The following DEPDC1B variants were observed in gnomAD, a reference collection of about 807,000 sequenced individuals.
DEPDC1B encodes the protein DEP domain containing 1B, also known as DEP domain-containing protein 1B.
A neutral mutation model predicts 66.5 loss-of-function variants in DEPDC1B; 51 were observed. The ratio of observed to expected loss-of-function variants is 0.77; its 90% CI spans 0.61 to 0.97. The LOEUF (loss-of-function observed/expected upper bound fraction) is 0.97, where lower values mean the gene tolerates loss of function less well. Ranked by LOEUF, DEPDC1B falls within the 50% of genes least tolerant of loss-of-function variation. The pLI, the probability that DEPDC1B is intolerant of heterozygous loss-of-function variation, is 0.00. For missense variants in DEPDC1B, 552 were observed against 637.1 expected (o/e 0.87, Z 1.44); for synonymous variants, 226 against 223.6 (o/e 1.01, Z -0.10).
At chr5:60,676,072 C>T (rs892764969) in intron 2 of DEPDC1B, among the ~76,000 whole-genome samples, 8 of 151,922 alleles carry the variant, frequency 5.3e-5, no homozygotes, top group Non-Finnish European at 1.0e-4. Flanking sequence ...GGACTACAGG[C>T]ACCTGCCACC....
At chr5:60,634,683 T>A (rs142888619) in intron 7 of DEPDC1B, among the ~76,000 whole-genome samples, 8,461 of 147,848 alleles carry the variant, frequency 0.057, 443 homozygotes, top group African/African-American at 0.14. Context: ...AAAAAATAAA[T>A]AAATAAATAA....
intron 3 of DEPDC1B, among the ~76,000 whole-genome samples, chr5:60,646,736 T>G (rs1561373726): frequency 1.3e-5 from 2 of 152,138 alleles, no homozygotes; most frequent in Non-Finnish European, 2.9e-5. Context: ...GGCAAGTGAG[T>G]GAAGCTTCAT....
At chr5:60,614,557 T>C (rs1752494427) in intron 7 of DEPDC1B, among the ~76,000 whole-genome samples, 1 of 152,042 alleles carries the variant, frequency 6.6e-6, no homozygotes, top group African/African-American at 2.4e-5. Context: ...ATCTCTTCTC[T>C]TTTTTTTAAT....
chr5:60,627,929 T>A (rs1441015062), intron 7 of DEPDC1B, among the ~76,000 whole-genome samples: 1 of 152,184 alleles, frequency 6.6e-6, no homozygotes, highest in Non-Finnish European at 1.5e-5. Flanking sequence ...GGCAGTGATT[T>A]GTCAAAGTAG....
rs773120290 is a variant in DEPDC1B, at chr5:60,687,203, G to A, written c.73C>T (p.Arg25Cys). Residue 25 changes from arginine (R) to cysteine (C), a missense_variant, in exon 2 of 11, where the codon CGT (arginine) becomes TGT (cysteine). Physicochemically the swap from Arg to Cys is radical, Grantham distance 180. Transcript: ENST00000265036. Reference sequence around the variant, plus strand: ...TGTTTCCGTAACGGCATCTTAGCACGAAAAAGCTCCACGGTCTCATTCCAC... The same window carrying A: ...TGTTTCCGTAACGGCATCTTAGCACAAAAAAGCTCCACGGTCTCATTCCAC... The part of the protein sequence containing the change: ...RLWNETVELF[R>C]AKMPLRKHRC... The A allele has an allele frequency of 8.1e-6, 13 of 1,611,734 alleles. No individual in the cohort carries two copies. Among genetic ancestry groups the A allele is most frequent in the African/African-American group, 8.0e-5 (6 of 74,860 alleles).
At chr5:60,660,653 T>C (rs1364380927) in intron 2 of DEPDC1B, among the ~76,000 whole-genome samples, 13 of 152,182 alleles carry the variant, frequency 8.5e-5, no homozygotes, top group Admixed American at 8.5e-4. Flanking sequence ...TAAGCACACC[T>C]CACCAGTTCA....
chr5:60,675,767 G>C (rs1754141332), intron 2 of DEPDC1B, among the ~76,000 whole-genome samples: 1 of 152,046 alleles, frequency 6.6e-6, no homozygotes. Flanking sequence ...GCTTTCACCA[G>C]TTACCTTAAA....
At chr5:60,687,354 G>T in intron 1 of DEPDC1B, 127 bp from the exon 2 acceptor site, 1 of 1,187,992 alleles carries the variant, frequency 8.4e-7, no homozygotes. Context: ...GTAGAGCCTT[G>T]AAAATGTTTT....
At chr5:60,646,826 T>C (rs546605848) in intron 3 of DEPDC1B, among the ~76,000 whole-genome samples, 68 of 152,220 alleles carry the variant, frequency 4.5e-4, no homozygotes, top group Middle Eastern at 3.4e-3. Flanking sequence ...TAGATTCTCA[T>C]AGGAGCGTGA....
intron 7 of DEPDC1B, among the ~76,000 whole-genome samples, chr5:60,635,017 C>A (rs1208936128): frequency 1.3e-5 from 2 of 150,670 alleles, no homozygotes; most frequent in African/African-American, 4.9e-5. Context: ...TGAGATTGCG[C>A]CATTGCACTC....
At chr5:60,642,941 C>A in intron 5 of DEPDC1B, 82 bp from the exon 6 acceptor site, 1 of 1,046,700 alleles carries the variant, frequency 9.6e-7, no homozygotes, top group Non-Finnish European at 1.4e-6. Context: ...GAATGTATTA[C>A]TTGCCCAAGT....
chr5:60,609,271 G>C (rs1346273082), intron 7 of DEPDC1B, among the ~76,000 whole-genome samples: 1 of 152,130 alleles, frequency 6.6e-6, no homozygotes, highest in Non-Finnish European at 1.5e-5. Flanking sequence ...CAACCTTCCT[G>C]TGAGACCAGG....
chr5:60,618,754 T>C (rs981375806), intron 7 of DEPDC1B, among the ~76,000 whole-genome samples: 60 of 152,108 alleles, frequency 3.9e-4, no homozygotes, highest in African/African-American at 1.2e-3. Flanking sequence ...TTCCAATCAA[T>C]AGAAAAAGAG....
chr5:60,606,720 G>C (rs1410730922), intron 7 of DEPDC1B, among the ~76,000 whole-genome samples: 1 of 151,680 alleles, frequency 6.6e-6, no homozygotes, highest in Non-Finnish European at 1.5e-5. Context: ...TTGAGCCCAG[G>C]AGTTTGAGGT....
At chr5:60,620,192 A>G (rs980470298) in intron 7 of DEPDC1B, among the ~76,000 whole-genome samples, 5 of 152,262 alleles carry the variant, frequency 3.3e-5, no homozygotes, top group Admixed American at 2.0e-4. Context: ...AAACCCTAGA[A>G]GAAAACCTAG....
chr5:60,654,649 A>G (rs1459497012), intron 2 of DEPDC1B, among the ~76,000 whole-genome samples: 1 of 148,364 alleles, frequency 6.7e-6, no homozygotes, highest in Non-Finnish European at 1.5e-5. Context: ...TCCAACTAGG[A>G]CTTCCAGTAC....
intron 7 of DEPDC1B, chr5:60,630,834 G>T: frequency 6.4e-6 from 1 of 157,172 alleles, no homozygotes. Flanking sequence ...TCTGTACCTA[G>T]CAGAATATTG....
intron 7 of DEPDC1B, among the ~76,000 whole-genome samples, chr5:60,620,209 C>T (rs1463909160): frequency 6.6e-6 from 1 of 152,176 alleles, no homozygotes; most frequent in East Asian, 1.9e-4. Context: ...CTAGGCAATA[C>T]CATTCAGGAC....
chr5:60,625,554 TCAA>T (rs998132905), intron 7 of DEPDC1B, among the ~76,000 whole-genome samples: 112 of 152,302 alleles, frequency 7.4e-4, no homozygotes, highest in African/African-American at 2.6e-3. Flanking sequence ...ATAAGTACTT[TCAA>T]GTATTCTATT....
Sources: allele counts gnomAD v4.1 joint callset (sites outside exome capture counted in the v4.1 genomes callset), GRCh38; gene constraint gnomAD v4.1.1; transcripts MANE v1.5; gene names NCBI Gene and HGNC (gene_info 2026-07-23, HGNC 2026-07-21).